ADH1A: variants seen among roughly 807,000 people sequenced by gnomAD.
ADH1A encodes alcohol dehydrogenase 1A.
ADH1A carries 29 observed loss-of-function variants against 35.2 expected under a neutral mutation model. That is an observed-to-expected ratio of 0.82 (90% confidence interval 0.61 to 1.12). ADH1A has a LOEUF of 1.12. Ranked by LOEUF, ADH1A falls within the 50% of genes most tolerant of loss-of-function variation. The probability of loss-of-function intolerance (pLI) is 0.00; values close to 1 mark genes in which losing one functional copy is unlikely to be tolerated. For missense variants in ADH1A, 469 were observed against 464.7 expected (o/e 1.01, Z -0.09); for synonymous variants, 147 against 164.8 (o/e 0.89, Z 0.83).
intron 3 of ADH1A, among the ~76,000 whole-genome samples, chr4:99,286,037 A>AC (rs1733144676): frequency 6.6e-6 from 1 of 151,682 alleles, no homozygotes; most frequent in Admixed American, 6.6e-5. Context: ...AAAAAAAAAA[A>AC]AAAAGTGATT....
chr4:99,282,961 A>G (rs1390251276), intron 5 of ADH1A, among the ~76,000 whole-genome samples: 9 of 152,172 alleles, frequency 5.9e-5, no homozygotes. Context: ...CAGTGATTAC[A>G]ATCTTGAAGG....
chr4:99,284,815 T>C lies in ADH1A; in HGVS notation c.260-12A>G. ...GATGACTTTATCACCTGGAGAGGGA[T>C]AAAACAAATTCTTTTACAATTTCTA... On this transcript the variant is annotated splice_polypyrimidine_tract_variant and intron_variant, in intron 3 of 8. Coordinates refer to ENST00000209668, the MANE Select transcript of ADH1A (RefSeq NM_000667.4). 6.2e-7 allele frequency: 1 copy of C among 1,608,556 alleles called. No individual in the cohort carries two copies. Among genetic ancestry groups the C allele is most frequent in the Non-Finnish European group, 8.5e-7 (1 of 1,175,064 alleles).
chr4:99,282,558 G>A lies in ADH1A; in HGVS notation c.616C>T (p.Leu206=). Residue 206 remains leucine (L), a synonymous_variant, in exon 6 of 9, where the codon CTA becomes TTA. Transcript: ENST00000209668. The stretch of plus-strand genomic sequence containing the variant: ...GCTTTACAGCCCATAATAGCAGATA[G>A]GCCGACCCCTCCCAGGCCAAACACA... ...CAVFGLGGVG[L]SAIMGCKAAG... is the part of the protein sequence containing the mutation. 1 of 1,614,186 alleles carries A rather than the reference G, an allele frequency of 6.2e-7. No individual in the cohort carries two copies. The highest frequency in any genetic ancestry group is 2.2e-5 in the East Asian group (1 of 44,884).
chr4:99,277,446 AAT>A (rs1732898046), intron 8 of ADH1A, among the ~76,000 whole-genome samples: 2 of 152,026 alleles, frequency 1.3e-5, no homozygotes, highest in Non-Finnish European at 2.9e-5. Flanking sequence ...GTGACTCTTT[AAT>A]AATTTTTAAA....
intron 8 of ADH1A, 145 bp downstream of exon 8, chr4:99,279,281 A>G (rs545987157): frequency 1.3e-4 from 148 of 1,127,230 alleles, no homozygotes; most frequent in Admixed American, 7.0e-5. Context: ...AACTTCTCTT[A>G]CAAGCTCTCC....
At chr4:99,279,777 C>T (rs1382755096) in intron 7 of ADH1A, among the ~76,000 whole-genome samples, 1 of 152,090 alleles carries the variant, frequency 6.6e-6, no homozygotes, top group East Asian at 1.9e-4. Flanking sequence ...TATTCTCTCT[C>T]CCACAGAGAA....
At chr4:99,282,246 C>A (rs1468615071) in intron 6 of ADH1A, 100 bp downstream of exon 6, 2 of 1,606,114 alleles carry the variant, frequency 1.2e-6, no homozygotes, top group African/African-American at 1.3e-5. Context: ...TTCCATTCAT[C>A]ATTAAAAATA....
Position 99,286,905 on chromosome 4 carries a change from A to G in ADH1A, c.204T>C (p.His68=). The G allele has an allele frequency of 1.2e-6, 2 of 1,614,182 alleles. No individual in the cohort carries two copies. Among genetic ancestry groups the G allele is most frequent in the Non-Finnish European group, 1.7e-6 (2 of 1,180,024 alleles). ...CACTCTCCACGATGCCGGCTGCCTCATGGCCTAAAATCACAGGAAGTGGGG... is the reference window on the plus strand; with the variant it reads ...CACTCTCCACGATGCCGGCTGCCTCGTGGCCTAAAATCACAGGAAGTGGGG... The part of the protein sequence containing the change: ...MVTPLPVILG[H]EAAGIVESVG... Residue 68 remains histidine (H), a synonymous_variant, in exon 3 of 9, where the codon CAT becomes CAC. Transcript: ENST00000209668.
At chr4:99,280,382 A>G in intron 6 of ADH1A, 103 bp from the exon 7 acceptor site, 1 of 1,556,260 alleles carries the variant, frequency 6.4e-7, no homozygotes, top group South Asian at 1.2e-5. Context: ...GTGAGTGTGT[A>G]GAGGGAAGAG....
In ADH1A at chr4:99,286,929, G is replaced by T. The variant is rs1407343336; in HGVS notation, c.180C>A (p.Thr60=). The T allele has an allele frequency of 6.2e-7, 1 of 1,614,000 alleles. No homozygotes were observed. The highest frequency in any genetic ancestry group is 8.5e-7 in the Non-Finnish European group (1 of 1,180,032). ...CATGGCCTAAAATCACAGGAAGTGG[G>T]GTCACCATGGTACCACTAACCACGT... ...DDHVVSGTMV[T]PLPVILGHEA... The change falls in exon 3 of 9, where the codon ACC becomes ACA. Residue 60 remains threonine (T), a synonymous_variant. Transcript: ENST00000209668.
chr4:99,280,719 T>C (rs935800938), intron 6 of ADH1A, among the ~76,000 whole-genome samples: 4 of 152,200 alleles, frequency 2.6e-5, no homozygotes, highest in Non-Finnish European at 4.4e-5. Context: ...TAAATGATTA[T>C]ATCACCAAAG....
At chr4:99,282,695 G>C in intron 5 of ADH1A, 89 bp from the exon 6 acceptor site, 1 of 1,525,224 alleles carries the variant, frequency 6.6e-7, no homozygotes, top group Non-Finnish European at 8.8e-7. Context: ...AAACTCTTCT[G>C]TTCAATCTGT....
Position 99,284,498 on chromosome 4 carries a change from A to G in ADH1A, c.468T>C (p.Asn156=), listed in dbSNP as rs769312924. The change falls in exon 5 of 9, where the codon AAT becomes AAC. Residue 156 remains asparagine, a synonymous_variant. Coordinates refer to ENST00000209668, the MANE Select transcript of ADH1A (RefSeq NM_000667.4). The part of the protein sequence containing the change: ...TFSQYTVVDE[N]AVAKIDAASP... ...AGGCTGCATCAATTTTGGCTACTGC[A>G]TTTTCATCCACCACTGTGTACTGTG... 3 of 1,614,184 alleles carry G rather than the reference A, an allele frequency of 1.9e-6. No homozygotes were observed. The highest frequency in any genetic ancestry group is 8.5e-7 in the Non-Finnish European group (1 of 1,180,022).
In ADH1A at chr4:99,284,277, T is replaced by C; in HGVS notation, c.567+122A>G. ...CTCTCAATTCTTTCTGGATTGTGTT[T>C]CTATTCTTAGTCGACATTCAAAATC... On this transcript the variant is annotated intron_variant, in intron 5 of 8. Transcript: ENST00000209668. The C allele has an allele frequency of 2.8e-6, 3 of 1,072,040 alleles. No individual in the cohort carries two copies. The South Asian group carries it at 4.2e-5, about 15-fold the overall frequency. 66.4% of individuals were successfully genotyped at this position (1,072,040 alleles called of 1,614,324 possible).
Position 99,290,967 on chromosome 4 carries a change from C to T in ADH1A, c.-53G>A, listed in dbSNP as rs1733274678. 6.2e-7 allele frequency: 1 copy of T among 1,603,366 alleles called. No homozygotes were observed. ...GAGACTGGTGAGTCCTTGTGGATTT[C>T]TTCCCTGCTCAAGTGCATAAAGCAG... On this transcript the variant is annotated 5_prime_UTR_variant, in exon 1 of 9. Transcript: ENST00000209668.
rs1732963856 is a variant in ADH1A, at chr4:99,280,143, C to T, written c.964+1G>A. 5 of 1,613,696 alleles carry T rather than the reference C, an allele frequency of 3.1e-6. No individual in the cohort carries two copies. Among genetic ancestry groups the T allele is most frequent in the Non-Finnish European group, 4.2e-6 (5 of 1,179,792 alleles). On this transcript the variant is annotated splice_donor_variant, in intron 7 of 8. Coordinates refer to ENST00000209668, the MANE Select transcript of ADH1A (RefSeq NM_000667.4). LOFTEE classifies it high-confidence loss of function. ...TTTGGCTCTGAAGCCTAACTACATA[C>T]CACCAAGAATAGCTCCCTTCCAGGT...
At chr4:99,285,148 T>A (rs1396102553) in intron 3 of ADH1A, among the ~76,000 whole-genome samples, 1 of 152,236 alleles carries the variant, frequency 6.6e-6, no homozygotes, top group Non-Finnish European at 1.5e-5. Context: ...ATATAAATCT[T>A]ACTGTAAGTA....
intron 3 of ADH1A, among the ~76,000 whole-genome samples, chr4:99,286,482 T>C (rs1230244064): frequency 6.6e-6 from 1 of 152,118 alleles, no homozygotes; most frequent in African/African-American, 2.4e-5. Context: ...CTCCTCCCAT[T>C]TCTAGGTGTC....
rs150459290 is a variant in ADH1A, at chr4:99,286,283, C to T, written c.259+567G>A. ...ATGGTGGATGGCTCTTTCTATGTTTCTTTCATTTCCTTTCACCTAGTCTGC... is the reference window on the plus strand; with the variant it reads ...ATGGTGGATGGCTCTTTCTATGTTTTTTTCATTTCCTTTCACCTAGTCTGC... On this transcript the variant is annotated intron_variant, in intron 3 of 8. Coordinates refer to ENST00000209668, the MANE Select transcript of ADH1A (RefSeq NM_000667.4). Among the ~76,000 whole-genome samples, 416 of 152,208 alleles carry T rather than the reference C, an allele frequency of 2.7e-3. 3 individuals are homozygous for T. Among genetic ancestry groups the T allele is most frequent in the African/African-American group, 9.6e-3 (397 of 41,536 alleles).
Sources: allele counts gnomAD v4.1 joint callset (sites outside exome capture counted in the v4.1 genomes callset), GRCh38; gene constraint gnomAD v4.1.1; transcripts MANE v1.5; gene names NCBI Gene and HGNC (gene_info 2026-07-23, HGNC 2026-07-21).